The following SLC9A9 variants were observed in gnomAD, a reference collection of about 807,000 sequenced individuals.
SLC9A9 encodes solute carrier family 9 member A9.
SLC9A9 carries 62 observed loss-of-function variants against 77.8 expected under a neutral mutation model. That is an observed-to-expected ratio of 0.80 (90% CI 0.65 to 0.98). SLC9A9 has a LOEUF of 0.98. Ranked by LOEUF, SLC9A9 falls within the 50% of genes least tolerant of loss-of-function variation. SLC9A9 has a pLI of 0.00. For missense variants in SLC9A9, 775 were observed against 774.9 expected (o/e 1.00, Z 0.00); for synonymous variants, 320 against 283.5 (o/e 1.13, Z -1.29).
intron 6 of SLC9A9, among the ~76,000 whole-genome samples, chr3:143,633,797 TATTCTAAA>T (rs796116985): frequency 9.8e-5 from 15 of 152,360 alleles, no homozygotes; most frequent in African/African-American, 3.6e-4. Flanking sequence ...AGAGTATTAA[TATTCTAAA>T]ATTCTAAAAT....
In SLC9A9 at chr3:143,268,887, A is replaced by T; in HGVS notation, c.1698T>A (p.Pro566=). ...CGPISRLLTS[P]QAYGEQLKED... The stretch of plus-strand genomic sequence containing the variant: ...GAGATTTACTTACCCCATAGGCTTG[A>T]GGACTGGTAAGCAGCCTGGAAATCG... The change falls in exon 15 of 16, where the codon CCT becomes CCA. Residue 566 remains proline (P), a synonymous_variant. Coordinates refer to ENST00000316549, the MANE Select transcript of SLC9A9 (RefSeq NM_173653.4). 11 of 1,613,524 alleles carry T rather than the reference A, an allele frequency of 6.8e-6. No individual in the cohort carries two copies. Among genetic ancestry groups the T allele is most frequent in the Non-Finnish European group, 9.3e-6 (11 of 1,179,572 alleles).
At chr3:143,552,028 A>G (rs1217415120) in intron 9 of SLC9A9, among the ~76,000 whole-genome samples, 1 of 152,186 alleles carries the variant, frequency 6.6e-6, no homozygotes, top group Non-Finnish European at 1.5e-5. Context: ...TTCTTTCTCT[A>G]TAACTACACA....
At chr3:143,734,635 G>A (rs1300754971) in intron 4 of SLC9A9, among the ~76,000 whole-genome samples, 1 of 151,414 alleles carries the variant, frequency 6.6e-6, no homozygotes, top group Non-Finnish European at 1.5e-5. Context: ...TCGGGAGGCT[G>A]AGGCAGGGGA....
At chr3:143,598,927 G>A (rs1372208511) in intron 6 of SLC9A9, among the ~76,000 whole-genome samples, 1 of 152,156 alleles carries the variant, frequency 6.6e-6, no homozygotes, top group African/African-American at 2.4e-5. Context: ...GGAATCTTTT[G>A]TTTGTTTCTA....
intron 9 of SLC9A9, chr3:143,503,315 C>T: frequency 3.3e-6 from 1 of 299,912 alleles, no homozygotes; most frequent in Non-Finnish European, 6.5e-6. Context: ...CACCCTGTTG[C>T]TGTAGCCAAA....
intron 8 of SLC9A9, among the ~76,000 whole-genome samples, chr3:143,557,154 G>C (rs1365492071): frequency 3.3e-5 from 5 of 152,118 alleles, no homozygotes; most frequent in Admixed American, 3.3e-4. Context: ...GTTCTCACTA[G>C]ATCGGAGGGT....
At chr3:143,602,240 T>G (rs1465867763) in intron 6 of SLC9A9, among the ~76,000 whole-genome samples, 1 of 152,248 alleles carries the variant, frequency 6.6e-6, no homozygotes, top group Admixed American at 6.5e-5. Flanking sequence ...GCTTGTTCAC[T>G]ATGGGACCAG....
At chr3:143,654,923 C>A (rs756207926) in intron 5 of SLC9A9, among the ~76,000 whole-genome samples, 4 of 152,252 alleles carry the variant, frequency 2.6e-5, no homozygotes, top group Non-Finnish European at 4.4e-5. Context: ...TTGTTCATAA[C>A]TGCTCTGACA....
intron 14 of SLC9A9, among the ~76,000 whole-genome samples, chr3:143,312,312 A>G (rs2031044672): frequency 2.6e-5 from 4 of 152,350 alleles, no homozygotes; most frequent in Admixed American, 2.6e-4. Flanking sequence ...CTCAATTGCA[A>G]TGTCACAAAA....
chr3:143,426,624 C>T (rs374458936), intron 12 of SLC9A9, among the ~76,000 whole-genome samples: 4 of 152,284 alleles, frequency 2.6e-5, no homozygotes, highest in East Asian at 1.9e-4. Flanking sequence ...CTGCATGCAG[C>T]ATGCAGAAAA....
At chr3:143,391,613 C>A (rs1045415979) in intron 12 of SLC9A9, among the ~76,000 whole-genome samples, 1 of 152,152 alleles carries the variant, frequency 6.6e-6, no homozygotes, top group South Asian at 2.1e-4. Flanking sequence ...ATGACTTTGA[C>A]GAGTTGAGAG....
chr3:143,790,163 G>A (rs1462673608), intron 4 of SLC9A9, among the ~76,000 whole-genome samples: 2 of 152,034 alleles, frequency 1.3e-5, no homozygotes, highest in African/African-American at 2.4e-5. Flanking sequence ...CTCTCTTGCC[G>A]CCTTGTGAAG....
Position 143,266,014 on chromosome 3 carries a change from A to G in SLC9A9, c.*688T>C, listed in dbSNP as rs1205280228. The G allele has an allele frequency of 2.4e-5, 17 of 701,154 alleles. No homozygotes were observed. The highest frequency in any genetic ancestry group is 6.0e-5 in the Admixed American group (3 of 49,770). The allele number at this position is 701,154 out of a possible 1,614,324, so 43.4% of individuals were successfully genotyped here. A position where few individuals can be genotyped will look rare whatever the true frequency, so the allele number is the denominator to read the frequency against. On this transcript the variant is annotated 3_prime_UTR_variant, in exon 16 of 16. Transcript: ENST00000316549. ...TGGTTTTCTTGGAATGGTCCTACTA[A>G]GCTTGAAAGTGGTGCTGCATTTAGG...
At chr3:143,283,807 G>A (rs1559851684) in intron 14 of SLC9A9, among the ~76,000 whole-genome samples, 1 of 152,166 alleles carries the variant, frequency 6.6e-6, no homozygotes, top group Non-Finnish European at 1.5e-5. Context: ...ATCTTCTCAG[G>A]AGTAGAGCTC....
chr3:143,725,450 G>A (rs570653796), intron 4 of SLC9A9, among the ~76,000 whole-genome samples: 289 of 151,844 alleles, frequency 1.9e-3, no homozygotes, highest in African/African-American at 6.4e-3. Flanking sequence ...TGTTTATTGC[G>A]GCACTATTCA....
intron 5 of SLC9A9, among the ~76,000 whole-genome samples, chr3:143,682,066 T>C (rs962177058): frequency 6.6e-5 from 10 of 152,184 alleles, no homozygotes; most frequent in Non-Finnish European, 1.5e-4. Flanking sequence ...ATGCTACTCA[T>C]TGTAGAGAAA....
intron 5 of SLC9A9, among the ~76,000 whole-genome samples, chr3:143,665,387 A>G (rs904505022): frequency 2.0e-5 from 3 of 152,242 alleles, no homozygotes; most frequent in African/African-American, 7.2e-5. Flanking sequence ...AAAGCAGGAA[A>G]GATCTAAAAT....
intron 14 of SLC9A9, among the ~76,000 whole-genome samples, chr3:143,317,507 A>G (rs886912536): frequency 6.6e-6 from 1 of 152,148 alleles, no homozygotes; most frequent in African/African-American, 2.4e-5. Flanking sequence ...TGAGGTCTTT[A>G]TGGGGGCTGA....
At chr3:143,783,238 G>C (rs1010249701) in intron 4 of SLC9A9, among the ~76,000 whole-genome samples, 1 of 152,096 alleles carries the variant, frequency 6.6e-6, no homozygotes, top group Non-Finnish European at 1.5e-5. Context: ...GTACTGAGCT[G>C]TCATTGCCCT....
Sources: gnomAD v4.1 joint callset for allele counts (sites outside exome capture counted in the v4.1 genomes callset) on GRCh38, gnomAD v4.1.1 for gene constraint, MANE v1.5 for transcripts, NCBI Gene and HGNC (gene_info 2026-07-23, HGNC 2026-07-21) for gene names.